The following SORL1 variants were observed in gnomAD, a reference collection of about 807,000 sequenced individuals.
SORL1 encodes the protein sortilin-related receptor.
A neutral mutation model predicts 273.7 loss-of-function variants in SORL1; 127 were observed. The observed-to-expected ratio is 0.46, with a 90% CI of 0.40 to 0.54. The LOEUF is 0.54. Among genes scored for constraint, SORL1 ranks in the 20% least tolerant of loss-of-function variants. The pLI is 0.00. For missense variants in SORL1, 2,494 were observed against 2,846.1 expected (o/e 0.88, Z 2.81); for synonymous variants, 1,031 against 1,067.4 (o/e 0.97, Z 0.66).
intron 1 of SORL1, among the ~76,000 whole-genome samples, chr11:121,459,952 C>G (rs1008742202): frequency 2.0e-5 from 3 of 152,198 alleles, no homozygotes; most frequent in African/African-American, 7.2e-5. Flanking sequence ...AGGCTCTTAG[C>G]TTGGAAAATC....
Position 121,567,078 on chromosome 11 carries a change from GC to G in SORL1, c.3189del (p.Tyr1064IlefsTer43), listed in dbSNP as rs775200850. On this transcript the variant is annotated frameshift_variant, in exon 22 of 48. Transcript: ENST00000260197. LOFTEE classifies it high-confidence loss of function. ...GACCTGATGTGTGACTGCCCTCAGG[GC>G]TATCAGCTCAAGAACAATACCTGTG... Reference protein sequence around the residue: ...SGDLMCDCPQGYQLKNNTCVK... With the variant: ...SGDLMCDCPQXYQLKNNTCVK... 6.2e-7 allele frequency: 1 copy of G among 1,614,092 alleles called. No homozygotes were observed.
Position 121,604,266 on chromosome 11 carries a change from G to A in SORL1, c.4593G>A (p.Ser1531=), listed in dbSNP as rs368373709. Residue 1531 remains serine, a synonymous_variant, in exon 33 of 48, where the codon TCG becomes TCA. Transcript: ENST00000260197. Reference sequence around the variant, plus strand: ...ACGGGGAGGCCTGCATTGTGCTCTCGGAGCGCTGCGACGGCTTCCTGGACT... The same window carrying A: ...ACGGGGAGGCCTGCATTGTGCTCTCAGAGCGCTGCGACGGCTTCCTGGACT... ...CEDGEACIVL[S]ERCDGFLDCS... 29 of 1,613,954 alleles carry A rather than the reference G, an allele frequency of 1.8e-5. No homozygotes were observed. The highest frequency in any genetic ancestry group is 1.6e-4 in the South Asian group (15 of 91,088).
At chr11:121,518,560 T>TATGATG (rs1591309084) in intron 8 of SORL1, among the ~76,000 whole-genome samples, 1 of 152,272 alleles carries the variant, frequency 6.6e-6, no homozygotes, top group East Asian at 1.9e-4. Context: ...ATGACAGGTT[T>TATGATG]ATGATGATAA....
intron 32 of SORL1, among the ~76,000 whole-genome samples, chr11:121,599,966 A>G (rs545717652): frequency 6.6e-6 from 1 of 152,068 alleles, no homozygotes; most frequent in East Asian, 1.9e-4. Context: ...TGCTGTGGTA[A>G]TATTTTCTGA....
intron 8 of SORL1, among the ~76,000 whole-genome samples, chr11:121,519,265 C>A (rs912884458): frequency 6.6e-5 from 10 of 151,992 alleles, no homozygotes; most frequent in Non-Finnish European, 1.5e-5. Context: ...GTCTTAACAG[C>A]CACCTATGAA....
intron 4 of SORL1, 125 bp from the exon 5 acceptor site, chr11:121,489,918 A>C (rs573847841): frequency 1.4e-6 from 1 of 701,202 alleles, no homozygotes; most frequent in South Asian, 1.7e-5. Context: ...TGGCTTTGGC[A>C]GTCTCAGTGC....
At chr11:121,483,650 C>T (rs569625910) in intron 3 of SORL1, among the ~76,000 whole-genome samples, 3 of 152,298 alleles carry the variant, frequency 2.0e-5, no homozygotes, top group African/African-American at 7.2e-5. Context: ...GTTTGGGAAG[C>T]ACCTTGTAGG....
At chr11:121,579,199 T>G (rs1021322594) in intron 25 of SORL1, among the ~76,000 whole-genome samples, 3 of 152,226 alleles carry the variant, frequency 2.0e-5, no homozygotes, top group African/African-American at 7.2e-5. Flanking sequence ...TGGAGAAAAC[T>G]TAAGAGTCCT....
At chr11:121,468,564 G>A (rs1198417279) in intron 1 of SORL1, among the ~76,000 whole-genome samples, 2 of 152,176 alleles carry the variant, frequency 1.3e-5, no homozygotes, top group Non-Finnish European at 2.9e-5. Context: ...GGGACTACAG[G>A]TGCATGCCAC....
chr11:121,607,384 G>A, intron 37 of SORL1, 94 bp downstream of exon 37: 1 of 678,266 alleles, frequency 1.5e-6, no homozygotes. Flanking sequence ...ACCTTTGTGA[G>A]ATGCATATTA....
At chr11:121,473,761 G>A (rs1389633320) in intron 2 of SORL1, among the ~76,000 whole-genome samples, 1 of 152,206 alleles carries the variant, frequency 6.6e-6, no homozygotes, top group Non-Finnish European at 1.5e-5. Flanking sequence ...CAGGCGTGGT[G>A]GCACAAGCCT....
intron 25 of SORL1, among the ~76,000 whole-genome samples, chr11:121,582,665 G>C (rs1196576100): frequency 1.3e-5 from 2 of 152,224 alleles, no homozygotes. Context: ...ATGTTTAACA[G>C]TGACTCTCTT....
Position 121,545,441 on chromosome 11 carries a change from T to G in SORL1, c.2051+12T>G. ...GAGGACTATGAGTGGTCAGTTCTTCTTTGATGGCTGGGGACTGAGTTGTGT... is the reference window on the plus strand; with the variant it reads ...GAGGACTATGAGTGGTCAGTTCTTCGTTGATGGCTGGGGACTGAGTTGTGT... On this transcript the variant is annotated intron_variant, in intron 14 of 47. Coordinates refer to ENST00000260197, the MANE Select transcript of SORL1 (RefSeq NM_003105.6). The G allele has an allele frequency of 1.9e-6, 3 of 1,613,228 alleles. No homozygotes were observed. Among genetic ancestry groups the G allele is most frequent in the Non-Finnish European group, 2.5e-6 (3 of 1,179,424 alleles).
intron 26 of SORL1, among the ~76,000 whole-genome samples, chr11:121,584,716 T>C (rs1429026386): frequency 8.5e-5 from 13 of 152,156 alleles, no homozygotes; most frequent in Admixed American, 8.5e-4. Flanking sequence ...TTCAGCCTCC[T>C]GAGTAGCTGG....
At chr11:121,511,742 A>C (rs1861880986) in intron 6 of SORL1, among the ~76,000 whole-genome samples, 1 of 152,218 alleles carries the variant, frequency 6.6e-6, no homozygotes, top group Non-Finnish European at 1.5e-5. Context: ...ATGGATTAAA[A>C]GTAACTTTGT....
rs529143581 is a variant in SORL1, at chr11:121,483,427, A to G, written c.529-4605A>G. On this transcript the variant is annotated intron_variant, in intron 3 of 47. Transcript: ENST00000260197. ...TCTCTGCCCTTCCTCCTCTCATTGT[A>G]CTCTTGGTTTCTCCACTTGAAACTG... Among the ~76,000 whole-genome samples, 20 of 151,742 alleles carry G rather than the reference A, an allele frequency of 1.3e-4. No homozygotes were observed. The South Asian group carries it at 3.8e-3, about 29-fold the overall frequency.
chr11:121,627,355 C>T lies in SORL1; in HGVS notation c.6365-200C>T, dbSNP rs538721059. Reference sequence around the variant, plus strand: ...AATTACCATATTTGCATGCACAAGGCCCTTGGTCTATCAGCTCATGGCAAG... The same window carrying T: ...AATTACCATATTTGCATGCACAAGGTCCTTGGTCTATCAGCTCATGGCAAG... On this transcript the variant is annotated intron_variant, in intron 46 of 47. Coordinates refer to ENST00000260197, the MANE Select transcript of SORL1 (RefSeq NM_003105.6). The surrounding 1 kb of genome is among the most constrained non-coding windows in gnomAD (Gnocchi z 4.9). The T allele has an allele frequency of 1.1e-4, 66 of 598,472 alleles. No individual in the cohort carries two copies. In the South Asian group the frequency reaches 1.2e-3, roughly 11 times the overall value. The allele number at this position is 598,472 out of a possible 1,614,324, so 37.1% of individuals were successfully genotyped here. A position where few individuals can be genotyped will look rare whatever the true frequency, so the allele number is the denominator to read the frequency against.
intron 6 of SORL1, among the ~76,000 whole-genome samples, chr11:121,497,672 G>C (rs1861652567): frequency 1.3e-5 from 2 of 152,202 alleles, no homozygotes; most frequent in South Asian, 4.1e-4. Flanking sequence ...TACTTAACAG[G>C]ACTTGTCTTG....
At position 121,553,920 on chromosome 11, in the gene SORL1, T is replaced by A; in HGVS notation, c.2267-17T>A. 1 of 1,607,792 alleles carries A rather than the reference T, an allele frequency of 6.2e-7. No homozygotes were observed. The highest frequency in any genetic ancestry group is 2.2e-5 in the East Asian group (1 of 44,802). On this transcript the variant is annotated splice_polypyrimidine_tract_variant and intron_variant, in intron 16 of 47. Coordinates refer to ENST00000260197, the MANE Select transcript of SORL1 (RefSeq NM_003105.6). ...TCCCCTGGGTCCAACCTCCCACGTG[T>A]CTTGTGTGTCTGGCAGAAGAGAACG...
Sources: gnomAD v4.1 joint callset for allele counts (sites outside exome capture counted in the v4.1 genomes callset) on GRCh38, gnomAD v4.1.1 for gene constraint, Gnocchi (gnomAD v3.1) non-coding constraint, MANE v1.5 for transcripts, NCBI Gene and HGNC (gene_info 2026-07-23, HGNC 2026-07-21) for gene names.